WASF1: variants seen among roughly 807,000 people sequenced by gnomAD.
The protein encoded by WASF1 is actin-binding protein WASF1.
A neutral mutation model predicts 50.5 loss-of-function variants in WASF1; 7 were observed. The observed-to-expected ratio is 0.14, with a 90% CI of 0.08 to 0.26. The LOEUF is 0.26. WASF1 is among the 10% of genes least tolerant of loss of function. The pLI is 1.00. For synonymous variants in WASF1, 205 were observed against 244.0 expected (o/e 0.84, Z 1.49); for missense variants, 470 against 694.7 (o/e 0.68, Z 3.64).
intron 2 of WASF1, among the ~76,000 whole-genome samples, chr6:110,176,408 GACT>G (rs1776931395): frequency 6.6e-6 from 1 of 151,594 alleles, no homozygotes; most frequent in African/African-American, 2.4e-5. Flanking sequence ...ATAAATCAAA[GACT>G]ACTAACATAT....
chr6:110,177,945 CA>C (rs567334488), intron 2 of WASF1, among the ~76,000 whole-genome samples: 12,847 of 127,584 alleles, frequency 0.1, 801 homozygotes, highest in African/African-American at 0.21. Flanking sequence ...CTTATATTTG[CA>C]AAAAAAAAAA....
chr6:110,121,095 C>T (rs1774097039), intron 4 of WASF1, among the ~76,000 whole-genome samples: 1 of 152,158 alleles, frequency 6.6e-6, no homozygotes, highest in African/African-American at 2.4e-5. Flanking sequence ...TAGAAGAAAA[C>T]CTAGGCAATA....
intron 2 of WASF1, chr6:110,177,258 TCTA>T (rs1348032454): frequency 1.3e-5 from 2 of 152,068 alleles, no homozygotes; most frequent in Non-Finnish European, 2.9e-5. Context: ...AATTCAATAT[TCTA>T]CTTATTATCA....
intron 9 of WASF1, 39 bp downstream of exon 9, chr6:110,103,339 A>C (rs372266029): frequency 6.3e-7 from 1 of 1,576,016 alleles, no homozygotes; most frequent in Non-Finnish European, 8.6e-7. Context: ...AAGCTTACTG[A>C]CTCCTAAGAT....
At chr6:110,144,854 T>C (rs1313037523) in intron 3 of WASF1, among the ~76,000 whole-genome samples, 1 of 152,232 alleles carries the variant, frequency 6.6e-6, no homozygotes, top group African/African-American at 2.4e-5. Context: ...CTGTTTTGGT[T>C]ACTGTAGCCT....
At chr6:110,134,978 C>T (rs1774879602) in intron 3 of WASF1, among the ~76,000 whole-genome samples, 1 of 152,024 alleles carries the variant, frequency 6.6e-6, no homozygotes. Context: ...TTTCACAATA[C>T]TGATTCTACC....
intron 5 of WASF1, among the ~76,000 whole-genome samples, chr6:110,111,126 ATGT>A (rs1773536103): frequency 6.6e-6 from 1 of 152,166 alleles, no homozygotes; most frequent in Non-Finnish European, 1.5e-5. Context: ...TTGAAACTAA[ATGT>A]TGATTTTTAT....
At chr6:110,142,547 A>C (rs1307659899) in intron 3 of WASF1, among the ~76,000 whole-genome samples, 1 of 152,182 alleles carries the variant, frequency 6.6e-6, no homozygotes, top group African/African-American at 2.4e-5. Flanking sequence ...AATCCTGAGA[A>C]AACTGCCTGA....
At chr6:110,147,167 G>C (rs991108211) in intron 3 of WASF1, among the ~76,000 whole-genome samples, 11 of 152,040 alleles carry the variant, frequency 7.2e-5, no homozygotes, top group Non-Finnish European at 1.3e-4. Flanking sequence ...CTAACACGGT[G>C]AAACCCCATC....
intron 2 of WASF1, among the ~76,000 whole-genome samples, chr6:110,174,605 T>C (rs1362547374): frequency 1.3e-5 from 2 of 152,162 alleles, no homozygotes; most frequent in African/African-American, 2.4e-5. Flanking sequence ...CTTGTTCAAT[T>C]CAGTTAACCT....
At chr6:110,115,870 G>A (rs1055201354) in intron 4 of WASF1, among the ~76,000 whole-genome samples, 3 of 152,196 alleles carry the variant, frequency 2.0e-5, no homozygotes, top group African/African-American at 7.2e-5. Context: ...TGCCAGTCAA[G>A]GAAATAATGA....
chr6:110,130,219 AAAG>A (rs1180395599), intron 3 of WASF1, among the ~76,000 whole-genome samples: 1 of 152,186 alleles, frequency 6.6e-6, no homozygotes, highest in Non-Finnish European at 1.5e-5. Context: ...GTAGAGAAAA[AAAG>A]CATACAAAAT....
intron 3 of WASF1, among the ~76,000 whole-genome samples, chr6:110,138,861 GC>G (rs538144274): frequency 1.0e-3 from 153 of 152,324 alleles, no homozygotes; most frequent in African/African-American, 3.2e-3. Flanking sequence ...TGAGAGCCCA[GC>G]CCCCAGGCTA....
At chr6:110,147,662 T>A (rs1775634714) in intron 3 of WASF1, among the ~76,000 whole-genome samples, 1 of 152,194 alleles carries the variant, frequency 6.6e-6, no homozygotes, top group Non-Finnish European at 1.5e-5. Flanking sequence ...AAAGAAAATA[T>A]GTACTTCCTT....
At chr6:110,150,765 G>C (rs540369961) in intron 3 of WASF1, among the ~76,000 whole-genome samples, 115 of 152,354 alleles carry the variant, frequency 7.5e-4, no homozygotes, top group Non-Finnish European at 1.3e-3. Context: ...GCTGGGCACA[G>C]TGGCTCACGC....
At chr6:110,153,222 T>C (rs1316166089) in intron 3 of WASF1, among the ~76,000 whole-genome samples, 1 of 152,196 alleles carries the variant, frequency 6.6e-6, no homozygotes, top group Non-Finnish European at 1.5e-5. Flanking sequence ...TGTAAAAAAC[T>C]ACAAAATTGC....
chr6:110,142,178 G>A (rs1427762008), intron 3 of WASF1, among the ~76,000 whole-genome samples: 1 of 152,142 alleles, frequency 6.6e-6, no homozygotes. Flanking sequence ...AAGCATGGAT[G>A]GATCATATCT....
At position 110,127,577 on chromosome 6, in the gene WASF1, C is replaced by T. The variant is rs1300382561; in HGVS notation, c.25G>A (p.Asp9Asn). 3.8e-6 allele frequency: 6 copies of T among 1,568,898 alleles called. No individual in the cohort carries two copies. The highest frequency in any genetic ancestry group is 4.3e-6 in the Non-Finnish European group (5 of 1,158,296). ...GCTGTGTGGCACAAGTGCCTAGGAT[C>T]GATGTTTCTTTTCACTAGCGGCATC... MPLVKRNI[D>N]PRHLCHTALP... is the part of the protein sequence containing the mutation. The change falls in exon 4 of 11, where the codon GAT becomes AAT. Residue 9 changes from aspartate (D) to asparagine (N), a missense_variant. Physicochemically the swap from Asp to Asn is conservative, Grantham distance 23. Transcript: ENST00000392589.
chr6:110,105,921 C>G (rs931712122), intron 7 of WASF1, among the ~76,000 whole-genome samples: 1 of 152,156 alleles, frequency 6.6e-6, no homozygotes, highest in Non-Finnish European at 1.5e-5. Context: ...GAAATTTCTA[C>G]GATGAATGGC....
Sources: allele counts gnomAD v4.1 joint callset (sites outside exome capture counted in the v4.1 genomes callset), GRCh38; gene constraint gnomAD v4.1.1; transcripts MANE v1.5; gene names NCBI Gene and HGNC (gene_info 2026-07-23, HGNC 2026-07-21).